The following TSNAXIP1 variants were observed in gnomAD, a reference collection of about 807,000 sequenced individuals.
TSNAXIP1 encodes the protein translin associated factor X interacting protein 1.
A neutral mutation model predicts 84.8 loss-of-function variants in TSNAXIP1; 89 were observed. That is an observed-to-expected ratio of 1.05 (90% CI 0.88 to 1.25). The LOEUF (loss-of-function observed/expected upper bound fraction) is 1.25, where lower values mean the gene tolerates loss of function less well. TSNAXIP1 is among the 50% of genes most tolerant of loss of function. TSNAXIP1 has a pLI of 0.00. For missense variants in TSNAXIP1, 874 were observed against 887.6 expected (o/e 0.98, Z 0.20); for synonymous variants, 347 against 335.2 (o/e 1.04, Z -0.39).
chr16:67,812,521 C>T (rs1232004063), intron 1 of TSNAXIP1, among the ~76,000 whole-genome samples: 1 of 151,296 alleles, frequency 6.6e-6, no homozygotes, highest in Non-Finnish European at 1.5e-5. Flanking sequence ...CAAAAATTAG[C>T]CAGGCACGGT....
chr16:67,823,520 G>A, intron 4 of TSNAXIP1, 106 bp from the exon 5 acceptor site: 1 of 826,104 alleles, frequency 1.2e-6, no homozygotes, highest in Non-Finnish European at 2.0e-6. Flanking sequence ...TCCAGCCTGG[G>A]TGATGGAGCG....
In TSNAXIP1 at chr16:67,827,971, G is replaced by A. The variant is rs766753513; in HGVS notation, c.2117G>A (p.Arg706Gln). 6.2e-6 allele frequency: 10 copies of A among 1,613,352 alleles called. No individual in the cohort carries two copies. The highest frequency in any genetic ancestry group is 3.3e-4 in the Middle Eastern group (2 of 6,062). Reference sequence around the variant, plus strand: ...ATTGACATCAGGCGTGTGGGACCTCGAGAGCCAGAGCCTGCAAGCTAGGAA... The same window carrying A: ...ATTGACATCAGGCGTGTGGGACCTCAAGAGCCAGAGCCTGCAAGCTAGGAA... ...QVIDIRRVGP[R>Q]EPEPAS Residue 706 changes from arginine (R) to glutamine (Q), a missense_variant, in exon 16 of 16, where the codon CGA (arginine) becomes CAA (glutamine). Arg to Gln is a conservative substitution (Grantham distance 43). Transcript: ENST00000561639.
At chr16:67,807,732 T>C in intron 1 of TSNAXIP1, 1 of 212,116 alleles carries the variant, frequency 4.7e-6, no homozygotes, top group South Asian at 5.6e-5. Flanking sequence ...ACCCTCCCAC[T>C]TCGACCTCTC....
chr16:67,806,982 A>T lies in TSNAXIP1; in HGVS notation c.-168A>T. 3 of 1,092,034 alleles carry T rather than the reference A, an allele frequency of 2.7e-6. No individual in the cohort carries two copies. Among genetic ancestry groups the T allele is most frequent in the South Asian group, 1.6e-5 (1 of 60,910 alleles). 67.6% of individuals were successfully genotyped at this position (1,092,034 alleles called of 1,614,324 possible). A position where few individuals can be genotyped will look rare whatever the true frequency, so the allele number is the denominator to read the frequency against. ...TGCCGGGTCCCAGTCCACCTTTGCTACTTTGTCCTACTCCCAGCCCGCGGG... is the reference window on the plus strand; with the variant it reads ...TGCCGGGTCCCAGTCCACCTTTGCTTCTTTGTCCTACTCCCAGCCCGCGGG... On this transcript the variant is annotated 5_prime_UTR_variant, in exon 1 of 16. Transcript: ENST00000561639.
intron 5 of TSNAXIP1, 84 bp from the exon 6 acceptor site, chr16:67,824,499 G>A (rs1447771477): frequency 1.5e-6 from 2 of 1,342,740 alleles, no homozygotes; most frequent in Non-Finnish European, 2.1e-6. Context: ...AAGCGACATA[G>A]CCACTCACCC....
intron 5 of TSNAXIP1, 112 bp from the exon 6 acceptor site, chr16:67,824,469 CAG>C (rs1429406140): frequency 1.0e-6 from 1 of 979,356 alleles, no homozygotes; most frequent in East Asian, 2.4e-5. Context: ...ACAAGGCATG[CAG>C]AGATTCTTGG....
chr16:67,809,240 T>C, intron 1 of TSNAXIP1, among the ~76,000 whole-genome samples: 3 of 143,400 alleles, frequency 2.1e-5, no homozygotes, highest in African/African-American at 5.2e-5. Context: ...GAGGCCAAGG[T>C]GCGCGGATCA....
chr16:67,811,205 A>G (rs2056048522), intron 1 of TSNAXIP1, among the ~76,000 whole-genome samples: 1 of 151,524 alleles, frequency 6.6e-6, no homozygotes, highest in Non-Finnish European at 1.5e-5. Context: ...CCCAAGCCCA[A>G]GCTTTTTGGA....
rs1477607047 is a variant in TSNAXIP1, at chr16:67,826,726, T to C, written c.1436T>C (p.Leu479Pro). The change falls in exon 12 of 16, where the codon CTG (leucine) becomes CCG (proline). Residue 479 changes from leucine (L) to proline (P), a missense_variant. Transcript: ENST00000561639. ...TTCCCAGATTTCTTCTTCAATTTCCTGGAGCATCGCTTTGGGCCCAGTGAT... is the reference window on the plus strand; with the variant it reads ...TTCCCAGATTTCTTCTTCAATTTCCCGGAGCATCGCTTTGGGCCCAGTGAT... ...ETFPDFFFNF[L>P]EHRFGPSDAM... 5.0e-6 allele frequency: 8 copies of C among 1,613,910 alleles called. No homozygotes were observed. Among genetic ancestry groups the C allele is most frequent in the Non-Finnish European group, 5.1e-6 (6 of 1,179,924 alleles).
chr16:67,815,966 A>AT (rs59743468), intron 2 of TSNAXIP1, among the ~76,000 whole-genome samples: 5,641 of 124,022 alleles, frequency 0.045, 558 homozygotes, highest in African/African-American at 0.16. Flanking sequence ...TGCCCGGCTA[A>AT]TTTTTTTTTT....
intron 1 of TSNAXIP1, 71 bp downstream of exon 1, chr16:67,807,267 C>T: frequency 6.5e-7 from 1 of 1,535,654 alleles, no homozygotes. Context: ...GGCACTTGAT[C>T]CGGACCTCTG....
chr16:67,823,538 G>A lies in TSNAXIP1; in HGVS notation c.388-88G>A, dbSNP rs774929001. The A allele has an allele frequency of 1.0e-4, 108 of 1,057,676 alleles. 2 individuals are homozygous for A. Among genetic ancestry groups the A allele is most frequent in the East Asian group, 5.0e-4 (19 of 38,218 alleles). The allele number at this position is 1,057,676 out of a possible 1,614,324, so 65.5% of individuals were successfully genotyped here. On this transcript the variant is annotated intron_variant, in intron 4 of 15. Transcript: ENST00000561639. ...AGCCTGGGTGATGGAGCGACACTCC[G>A]TCTCAGGAAAAAAGAAAAAGAAAAA...
chr16:67,825,548 C>T (rs2057371641), intron 7 of TSNAXIP1, 119 bp from the exon 8 acceptor site: 1 of 1,390,882 alleles, frequency 7.2e-7, no homozygotes, highest in African/African-American at 1.4e-5. Context: ...GCCTGAAACC[C>T]TAGGCTGGTA....
intron 5 of TSNAXIP1, 37 bp downstream of exon 5, chr16:67,823,756 G>T (rs766199272): frequency 7.0e-6 from 11 of 1,571,238 alleles, no homozygotes; most frequent in Non-Finnish European, 8.7e-6. Context: ...AGTGGCTCAC[G>T]CCTGTAATCC....
intron 2 of TSNAXIP1, among the ~76,000 whole-genome samples, chr16:67,815,966 ATTT>A (rs59743468): frequency 1.6e-5 from 2 of 124,028 alleles, no homozygotes; most frequent in African/African-American, 3.4e-5. Flanking sequence ...TGCCCGGCTA[ATTT>A]TTTTTTTTTT....
chr16:67,826,272 T>C lies in TSNAXIP1; in HGVS notation c.1265T>C (p.Phe422Ser), dbSNP rs1381084250. 3 of 1,578,736 alleles carry C rather than the reference T, an allele frequency of 1.9e-6. No homozygotes were observed. The African/African-American group carries it at 4.0e-5, about 21-fold the overall frequency. ...GGGCTGCTGCGGGAGAAAGACTTCT[T>C]CCCTGGTCTGGTAGGGGAGGCCCCA... The part of the protein sequence containing the change: ...GSGLLREKDF[F>S]PGLGYGEAIP... The change falls in exon 10 of 16, where the codon TTC (phenylalanine) becomes TCC (serine). Residue 422 changes from phenylalanine to serine, a missense_variant. By Grantham distance (155) the Phe-to-Ser change is radical. Coordinates refer to ENST00000561639, the MANE Select transcript of TSNAXIP1 (RefSeq NM_001288990.3).
chr16:67,821,270 G>GCCGGGGGGGC, intron 4 of TSNAXIP1, 45 bp downstream of exon 4: 1 of 874,340 alleles, frequency 1.1e-6, no homozygotes, highest in Non-Finnish European at 1.8e-6. Context: ...GGAAGGGTGG[G>GCCGGGGGGGC]AAGAAGCTTC....
intron 11 of TSNAXIP1, 30 bp downstream of exon 11, chr16:67,826,592 C>A (rs1366502015): frequency 1.2e-6 from 2 of 1,613,886 alleles, no homozygotes; most frequent in Non-Finnish European, 8.5e-7. Context: ...TCTGGCCCAG[C>A]ATGGTCTTCA....
chr16:67,812,375 A>T (rs576195151), intron 1 of TSNAXIP1, among the ~76,000 whole-genome samples: 2 of 150,992 alleles, frequency 1.3e-5, no homozygotes, highest in African/African-American at 2.4e-5. Flanking sequence ...TTATTTATTT[A>T]AAAAAAAATA....
Sources: gnomAD v4.1 joint callset for allele counts (sites outside exome capture counted in the v4.1 genomes callset) on GRCh38, gnomAD v4.1.1 for gene constraint, MANE v1.5 for transcripts, NCBI Gene and HGNC (gene_info 2026-07-23, HGNC 2026-07-21) for gene names.